LRBA: variants seen among roughly 807,000 people sequenced by gnomAD.
LRBA encodes lipopolysaccharide-responsive and beige-like anchor protein.
LRBA carries 176 observed loss-of-function variants against 330.0 expected under a neutral mutation model. The ratio of observed to expected loss-of-function variants is 0.53; its 90% CI spans 0.47 to 0.60. The LOEUF (loss-of-function observed/expected upper bound fraction) is 0.60. LRBA is among the 20% of genes least tolerant of loss of function. The pLI is 0.00. For synonymous variants in LRBA, 1,230 were observed against 1,193.0 expected, an observed-to-expected ratio of 1.03 and a Z score of -0.64; for missense variants, 3,259 against 3,444.8, an observed-to-expected ratio of 0.95 and a Z score of 1.35.
intron 31 of LRBA, among the ~76,000 whole-genome samples, chr4:150,815,321 A>G: frequency 6.6e-6 from 1 of 151,586 alleles, no homozygotes; most frequent in Non-Finnish European, 1.5e-5. Context: ...ACCCAGCTCC[A>G]AATGAATTAC....
At chr4:150,835,630 G>T (rs1313563875) in intron 28 of LRBA, among the ~76,000 whole-genome samples, 8 of 152,106 alleles carry the variant, frequency 5.3e-5, no homozygotes, top group Non-Finnish European at 1.2e-4. Flanking sequence ...AGGAATGTTT[G>T]TGATTTTTGC....
intron 33 of LRBA, among the ~76,000 whole-genome samples, chr4:150,802,186 C>T (rs1741742444): frequency 6.8e-6 from 1 of 147,352 alleles, no homozygotes; most frequent in African/African-American, 2.5e-5. Context: ...CACCATTGCA[C>T]TCCAGTCTGG....
intron 13 of LRBA, among the ~76,000 whole-genome samples, chr4:150,901,089 G>A (rs543222724): frequency 1.2e-4 from 19 of 152,116 alleles, no homozygotes; most frequent in African/African-American, 4.1e-4. Context: ...CTTGAGGTCA[G>A]GAGTTTAAAA....
chr4:150,303,766 G>C (rs890926578), intron 52 of LRBA, among the ~76,000 whole-genome samples: 2 of 151,868 alleles, frequency 1.3e-5, no homozygotes, highest in Non-Finnish European at 2.9e-5. Context: ...GTAGAGACGG[G>C]GTTTCACTGT....
chr4:150,373,124 CGTGTGTGTGTGTGTGTGTGTGTGTGT>C (rs70937397), intron 47 of LRBA, among the ~76,000 whole-genome samples: 2 of 96,318 alleles, frequency 2.1e-5, no homozygotes, highest in African/African-American at 4.2e-5. Context: ...ACTACAATCT[CGTGTGTGTGTGTGTGTGTGTGTGTGT>C]GTGTGTGTGT....
intron 37 of LRBA, among the ~76,000 whole-genome samples, chr4:150,664,279 G>C (rs941902280): frequency 6.6e-6 from 1 of 152,198 alleles, no homozygotes; most frequent in Non-Finnish European, 1.5e-5. Context: ...ATGGGGTATA[G>C]ATATAGATCA....
chr4:150,994,252 A>C (rs968627518), intron 2 of LRBA, among the ~76,000 whole-genome samples: 22 of 152,116 alleles, frequency 1.4e-4, no homozygotes, highest in African/African-American at 5.3e-4. Flanking sequence ...GTTGAGGAGA[A>C]CAGGGTGCTC....
chr4:150,300,120 C>A (rs1729477350), intron 53 of LRBA, among the ~76,000 whole-genome samples: 1 of 152,026 alleles, frequency 6.6e-6, no homozygotes, highest in South Asian at 2.1e-4. Flanking sequence ...GCGTAGATTG[C>A]ATTTTCCATT....
chr4:151,004,094 T>C (rs920060646), intron 2 of LRBA, among the ~76,000 whole-genome samples: 4 of 152,086 alleles, frequency 2.6e-5, no homozygotes, highest in Non-Finnish European at 4.4e-5. Context: ...AATTTTTGTA[T>C]GGTTTGTTGA....
chr4:150,344,284 T>A (rs552122128), intron 48 of LRBA, among the ~76,000 whole-genome samples: 1 of 152,350 alleles, frequency 6.6e-6, no homozygotes, highest in Non-Finnish European at 1.5e-5. Context: ...TATCATAAAC[T>A]TTAAATGGGT....
chr4:150,346,009 T>C (rs777520319), intron 48 of LRBA, among the ~76,000 whole-genome samples: 2 of 152,142 alleles, frequency 1.3e-5, no homozygotes, highest in Non-Finnish European at 2.9e-5. Flanking sequence ...GGCCTCACTT[T>C]GTTGCCCAGG....
Position 150,332,698 on chromosome 4 carries a change from C to T in LRBA, c.7363-6800G>A, listed in dbSNP as rs1581036081. Among the ~76,000 whole-genome samples the T allele has an allele frequency of 2.3e-5, 3 of 127,812 alleles. No individual in the cohort carries two copies. In the East Asian group the frequency reaches 6.7e-4, roughly 29 times the overall value. 83.8% of individuals were successfully genotyped at this position (127,812 alleles called of 152,430 possible). ...TGCTTTATTAAATATTCTTATTCAT[C>T]AATTCCCAATTATTTCTGTAAATAG... On this transcript the variant is annotated intron_variant, in intron 48 of 56. Transcript: ENST00000651943.
intron 34 of LRBA, among the ~76,000 whole-genome samples, chr4:150,792,359 TG>T (rs1184518409): frequency 6.6e-6 from 1 of 152,012 alleles, no homozygotes; most frequent in Non-Finnish European, 1.5e-5. Flanking sequence ...CAACTTGAGG[TG>T]ACAGAGGAGG....
At chr4:150,845,473 T>C (rs1415152379) in intron 26 of LRBA, among the ~76,000 whole-genome samples, 1 of 152,188 alleles carries the variant, frequency 6.6e-6, no homozygotes. Flanking sequence ...TTTTGGATTT[T>C]AAATGATGAA....
chr4:150,951,371 TTAC>T (rs1183734691), intron 2 of LRBA, among the ~76,000 whole-genome samples: 1 of 149,476 alleles, frequency 6.7e-6, no homozygotes, highest in Admixed American at 6.6e-5. Context: ...CATCATCTTT[TTAC>T]AAAAAAAAAA....
intron 38 of LRBA, among the ~76,000 whole-genome samples, chr4:150,598,159 T>C (rs1033621397): frequency 3.3e-5 from 5 of 152,128 alleles, no homozygotes; most frequent in African/African-American, 9.7e-5. Flanking sequence ...AACAATACCC[T>C]GAAAAAGGAA....
At chr4:150,634,406 A>G (rs1326894732) in intron 37 of LRBA, among the ~76,000 whole-genome samples, 1 of 152,220 alleles carries the variant, frequency 6.6e-6, no homozygotes, top group Non-Finnish European at 1.5e-5. Flanking sequence ...TGACTGGCAC[A>G]TAACAGGTGA....
chr4:150,622,564 C>T (rs1169221571), intron 37 of LRBA, among the ~76,000 whole-genome samples: 2 of 151,814 alleles, frequency 1.3e-5, no homozygotes, highest in African/African-American at 4.8e-5. Flanking sequence ...CTAGTAGGAT[C>T]AACTGGAAGG....
chr4:150,808,101 A>C lies in LRBA; in HGVS notation c.5384+219T>G, dbSNP rs117619499. ...AGTCACTTCTCATGAAGTGACTTGT[A>C]CATCATGAAATGACTTGTACATCAT... On this transcript the variant is annotated intron_variant, in intron 32 of 56. Transcript: ENST00000651943. Among the ~76,000 whole-genome samples the C allele has an allele frequency of 2.9e-4, 44 of 152,064 alleles. No homozygotes were observed. In the East Asian group the frequency reaches 7.1e-3, roughly 25 times the overall value.
Sources: gnomAD v4.1 joint callset for allele counts (sites outside exome capture counted in the v4.1 genomes callset) on GRCh38, gnomAD v4.1.1 for gene constraint, MANE v1.5 for transcripts, NCBI Gene and HGNC (gene_info 2026-07-23, HGNC 2026-07-21) for gene names.